TAFA4: variants seen among roughly 807,000 people sequenced by gnomAD.
The protein encoded by TAFA4 is TAFA chemokine like family member 4, also known as chemokine-like protein TAFA-4.
TAFA4 carries 20 observed loss-of-function variants against 21.1 expected under a neutral mutation model. The ratio of observed to expected loss-of-function variants is 0.95; its 90% CI spans 0.67 to 1.38. The LOEUF (loss-of-function observed/expected upper bound fraction) is 1.38, where lower values mean the gene tolerates loss of function less well. Among genes scored for constraint, TAFA4 ranks in the 40% most tolerant of loss-of-function variants. The pLI, the probability that TAFA4 is intolerant of heterozygous loss-of-function variation, is 0.00. For missense variants in TAFA4, 211 were observed against 180.9 expected, an observed-to-expected ratio of 1.17 and a Z score of -0.95; for synonymous variants, 71 against 67.4, an observed-to-expected ratio of 1.05 and a Z score of -0.26.
chr3:68,825,680 T>A (rs1475087094), intron 3 of TAFA4, among the ~76,000 whole-genome samples: 1 of 152,188 alleles, frequency 6.6e-6, no homozygotes, highest in Non-Finnish European at 1.5e-5. Flanking sequence ...CCAGCATAAC[T>A]CATAAGAATG....
intron 1 of TAFA4, among the ~76,000 whole-genome samples, chr3:68,926,915 A>T (rs1156819445): frequency 6.6e-6 from 1 of 152,128 alleles, no homozygotes; most frequent in East Asian, 1.9e-4. Flanking sequence ...CGTCTCAAAA[A>T]AATAAATAAA....
intron 3 of TAFA4, among the ~76,000 whole-genome samples, chr3:68,838,768 G>C (rs1704584344): frequency 6.6e-6 from 1 of 151,808 alleles, no homozygotes; most frequent in Non-Finnish European, 1.5e-5. Flanking sequence ...TCCCTATTCA[G>C]GGTGACAGGG....
chr3:68,818,200 A>G (rs1460585674), intron 3 of TAFA4, among the ~76,000 whole-genome samples: 1 of 152,120 alleles, frequency 6.6e-6, no homozygotes. Flanking sequence ...TTCTTTCTTT[A>G]ATCCTCAAAC....
At chr3:68,749,561 A>G (rs1702523245) in intron 4 of TAFA4, among the ~76,000 whole-genome samples, 1 of 152,240 alleles carries the variant, frequency 6.6e-6, no homozygotes, top group African/African-American at 2.4e-5. Flanking sequence ...TATTCAGATA[A>G]GGAAGAGATC....
intron 3 of TAFA4, among the ~76,000 whole-genome samples, chr3:68,784,730 T>C (rs944964066): frequency 4.6e-5 from 7 of 152,180 alleles, no homozygotes; most frequent in African/African-American, 1.4e-4. Context: ...AGGCAGCCTG[T>C]TTTTATTCTC....
chr3:68,758,891 GA>G (rs1358897683), intron 3 of TAFA4, among the ~76,000 whole-genome samples: 2 of 152,270 alleles, frequency 1.3e-5, no homozygotes, highest in East Asian at 3.9e-4. Flanking sequence ...TATACATGGA[GA>G]AAAAGAGAAG....
intron 3 of TAFA4, among the ~76,000 whole-genome samples, chr3:68,861,946 G>A (rs1342287845): frequency 6.6e-6 from 1 of 151,964 alleles, no homozygotes; most frequent in African/African-American, 2.4e-5. Flanking sequence ...CATCATTCAC[G>A]TGCAAGCTCC....
At chr3:68,919,535 C>A (rs190461757) in intron 1 of TAFA4, among the ~76,000 whole-genome samples, 1 of 152,070 alleles carries the variant, frequency 6.6e-6, no homozygotes, top group South Asian at 2.1e-4. Flanking sequence ...GCTGTCCGAT[C>A]GGGCAGCCAC....
At chr3:68,748,949 G>C (rs1702511288) in intron 4 of TAFA4, among the ~76,000 whole-genome samples, 1 of 152,120 alleles carries the variant, frequency 6.6e-6, no homozygotes, top group South Asian at 2.1e-4. Flanking sequence ...TCTCTATAGA[G>C]CAGTATTTTC....
At chr3:68,778,761 C>G (rs969161903) in intron 3 of TAFA4, among the ~76,000 whole-genome samples, 1 of 152,188 alleles carries the variant, frequency 6.6e-6, no homozygotes, top group Non-Finnish European at 1.5e-5. Context: ...GAACCTCTTT[C>G]TTTTATAAAT....
chr3:68,892,056 G>A (rs917714362), intron 1 of TAFA4, among the ~76,000 whole-genome samples: 1 of 152,040 alleles, frequency 6.6e-6, no homozygotes, highest in Non-Finnish European at 1.5e-5. Flanking sequence ...GGTTACCAAC[G>A]TTTATGTGAA....
intron 3 of TAFA4, among the ~76,000 whole-genome samples, chr3:68,814,901 T>C (rs1376745175): frequency 5.3e-5 from 8 of 152,162 alleles, no homozygotes; most frequent in Admixed American, 3.9e-4. Context: ...TCACACTACC[T>C]GACTTCAAAC....
chr3:68,867,922 T>C (rs1047351879), intron 3 of TAFA4, among the ~76,000 whole-genome samples: 1 of 151,800 alleles, frequency 6.6e-6, no homozygotes, highest in African/African-American at 2.4e-5. Context: ...AAGAAGACAG[T>C]AACAAAGGAA....
rs147623628 is a variant in TAFA4 at position 68,923,877 on chromosome 3, T to C, written c.-123+8363A>G. Among the ~76,000 whole-genome samples the C allele has an allele frequency of 2.0e-3, 312 of 152,324 alleles. 1 individual carries two copies. Among genetic ancestry groups the C allele is most frequent in the African/African-American group, 7.3e-3 (303 of 41,576 alleles). Reference sequence around the variant, plus strand: ...AGTTGTGTCTCTGGACCACACTGCTTGGGTTCATACTGCGTCCTTGCCACA... The same window carrying C: ...AGTTGTGTCTCTGGACCACACTGCTCGGGTTCATACTGCGTCCTTGCCACA... On this transcript the variant is annotated intron_variant, in intron 1 of 5. Coordinates refer to ENST00000295569, the MANE Select transcript of TAFA4 (RefSeq NM_182522.5).
chr3:68,898,919 T>C (rs958013439), intron 1 of TAFA4, among the ~76,000 whole-genome samples: 2 of 152,092 alleles, frequency 1.3e-5, no homozygotes, highest in African/African-American at 4.8e-5. Flanking sequence ...GAAAAAAAGC[T>C]TGAGAAAACA....
intron 3 of TAFA4, among the ~76,000 whole-genome samples, chr3:68,819,414 G>C (rs55691267): frequency 0.2 from 31,007 of 151,914 alleles, 4,047 homozygotes; most frequent in East Asian, 0.62. Context: ...AAAGCAGTAA[G>C]TGTGGGCCTC....
intron 3 of TAFA4, among the ~76,000 whole-genome samples, chr3:68,753,398 C>T (rs1021603868): frequency 2.8e-5 from 4 of 143,326 alleles, no homozygotes; most frequent in African/African-American, 5.2e-5. Flanking sequence ...TGCAGTGGCA[C>T]GATCTCAGCT....
chr3:68,851,375 A>G (rs1313106985), intron 3 of TAFA4, among the ~76,000 whole-genome samples: 3 of 152,118 alleles, frequency 2.0e-5, no homozygotes, highest in Non-Finnish European at 4.4e-5. Context: ...ATTAGGAAAA[A>G]TAGCTAATGC....
chr3:68,890,894 C>A (rs1168499414), intron 1 of TAFA4, among the ~76,000 whole-genome samples: 1 of 152,164 alleles, frequency 6.6e-6, no homozygotes, highest in Non-Finnish European at 1.5e-5. Context: ...TCGGATTGTG[C>A]CTATGATGGT....
Sources: allele counts gnomAD v4.1 joint callset (sites outside exome capture counted in the v4.1 genomes callset), GRCh38; gene constraint gnomAD v4.1.1; transcripts MANE v1.5; gene names NCBI Gene and HGNC (gene_info 2026-07-23, HGNC 2026-07-21).